The following THADA variants were observed in gnomAD, a reference collection of about 807,000 sequenced individuals.
THADA encodes tRNA (32-2'-O)-methyltransferase regulator THADA.
A neutral mutation model predicts 219.8 loss-of-function variants in THADA; 213 were observed. The ratio of observed to expected loss-of-function variants is 0.97; its 90% confidence interval spans 0.87 to 1.09. The LOEUF (loss-of-function observed/expected upper bound fraction) is 1.09, where lower values mean the gene tolerates loss of function less well. THADA is among the 50% of genes least tolerant of loss of function. The pLI, the probability that THADA is intolerant of heterozygous loss-of-function variation, is 0.00. For missense variants in THADA, 2,956 were observed against 2,311.3 expected (o/e 1.28, Z -5.72); for synonymous variants, 1,018 against 828.9 (o/e 1.23, Z -3.92).
Position 43,275,598 on chromosome 2 carries a change from CT to C in THADA, c.5296+4166del, listed in dbSNP as rs377393773. 1.7e-3 allele frequency among the ~76,000 whole-genome samples: 253 copies of C among 152,278 alleles called. 1 individual carries two copies. The highest frequency in any genetic ancestry group is 0.01 in the Middle Eastern group (3 of 294). On this transcript the variant is annotated intron_variant, in intron 36 of 37. Coordinates refer to ENST00000405975, the MANE Select transcript of THADA (RefSeq NM_022065.5). ...CATCCTGGAGTCCTTCGGTCTAACT[CT>C]CTGCAGTATTTCCAGCTAAGCCACA...
chr2:43,545,233 C>T (rs1203488578), intron 20 of THADA, among the ~76,000 whole-genome samples: 2 of 151,384 alleles, frequency 1.3e-5, no homozygotes, highest in Non-Finnish European at 2.9e-5. Flanking sequence ...CCCACTTGAT[C>T]ATGGTGGATA....
chr2:43,395,690 A>G (rs578007512), intron 29 of THADA, among the ~76,000 whole-genome samples: 1 of 152,376 alleles, frequency 6.6e-6, no homozygotes, highest in South Asian at 2.1e-4. Context: ...TGATGATATC[A>G]TTATATTGAT....
chr2:43,521,079 G>T (rs1692394581), intron 22 of THADA, among the ~76,000 whole-genome samples: 1 of 134,204 alleles, frequency 7.5e-6, no homozygotes, highest in Non-Finnish European at 1.6e-5. Context: ...GATAGGAAGG[G>T]AAGGAAGGGA....
chr2:43,517,207 C>G (rs1216200464), intron 22 of THADA, among the ~76,000 whole-genome samples: 1 of 152,168 alleles, frequency 6.6e-6, no homozygotes, highest in Non-Finnish European at 1.5e-5. Context: ...GGTACCCCCA[C>G]TCCCTTAGGG....
At chr2:43,271,221 C>G (rs1047831110) in intron 36 of THADA, among the ~76,000 whole-genome samples, 6 of 152,216 alleles carry the variant, frequency 3.9e-5, no homozygotes. Context: ...CCTGCATGAT[C>G]CAGTATGGAG....
chr2:43,483,848 G>C (rs1027715857), intron 26 of THADA, among the ~76,000 whole-genome samples: 2 of 151,576 alleles, frequency 1.3e-5, no homozygotes, highest in Non-Finnish European at 2.9e-5. Flanking sequence ...AATTTTACTT[G>C]TTTGATGACT....
At chr2:43,475,309 G>A (rs563499436) in intron 26 of THADA, among the ~76,000 whole-genome samples, 258 of 151,910 alleles carry the variant, frequency 1.7e-3, no homozygotes, top group African/African-American at 6.1e-3. Context: ...CCAGCTACTT[G>A]GGAGGTTGAG....
chr2:43,331,359 T>G (rs1165933344), intron 30 of THADA, among the ~76,000 whole-genome samples: 1 of 152,220 alleles, frequency 6.6e-6, no homozygotes, highest in Admixed American at 6.5e-5. Context: ...ATAGAGAGAT[T>G]TCTGTTAATC....
intron 23 of THADA, 114 bp downstream of exon 23, chr2:43,508,534 A>G (rs1013352309): frequency 6.7e-5 from 71 of 1,059,874 alleles, no homozygotes; most frequent in Non-Finnish European, 6.5e-5. Flanking sequence ...TGGTGCTGAA[A>G]AGACAGAAAT....
At chr2:43,469,414 C>G (rs13029044) in intron 26 of THADA, among the ~76,000 whole-genome samples, 3 of 151,846 alleles carry the variant, frequency 2.0e-5, no homozygotes, top group Non-Finnish European at 4.4e-5. Context: ...AATTAACCAA[C>G]AAATAATGTG....
At chr2:43,246,330 A>G (rs888344270) in intron 36 of THADA, among the ~76,000 whole-genome samples, 1 of 152,192 alleles carries the variant, frequency 6.6e-6, no homozygotes, top group Non-Finnish European at 1.5e-5. Context: ...CCCTGTCTCT[A>G]CTAAAAATAT....
intron 20 of THADA, among the ~76,000 whole-genome samples, chr2:43,547,968 GCT>G (rs555455950): frequency 6.6e-6 from 1 of 152,146 alleles, no homozygotes; most frequent in African/African-American, 2.4e-5. Context: ...CAGTTTTTCT[GCT>G]CTGTTTTTTC....
At chr2:43,485,511 T>C (rs188213770) in intron 25 of THADA, among the ~76,000 whole-genome samples, 186 bp from the exon 26 acceptor site, 40 of 152,308 alleles carry the variant, frequency 2.6e-4, no homozygotes, top group African/African-American at 9.4e-4. Context: ...ATGACTTCAA[T>C]TGAGCTCTAC....
rs763612160 is a variant in THADA, at chr2:43,259,864, T to C, written c.5296+19901A>G. Among the ~76,000 whole-genome samples the C allele has an allele frequency of 9.6e-4, 146 of 152,356 alleles. 1 individual carries two copies. The highest frequency in any genetic ancestry group is 1.7e-3 in the Non-Finnish European group (115 of 68,024). On this transcript the variant is annotated intron_variant, in intron 36 of 37. Transcript: ENST00000405975. ...TACTAAAAGGGAATTGCTGGCTCAA[T>C]TGGCATACACATTTAAATTTCTATA...
At chr2:43,512,571 T>C (rs542202736) in intron 22 of THADA, among the ~76,000 whole-genome samples, 1 of 152,354 alleles carries the variant, frequency 6.6e-6, no homozygotes, top group East Asian at 1.9e-4. Context: ...GGCGCGATCT[T>C]GCCTCACTGC....
At chr2:43,295,963 A>T (rs751247632) in intron 31 of THADA, among the ~76,000 whole-genome samples, 2 of 134,198 alleles carry the variant, frequency 1.5e-5, no homozygotes, top group African/African-American at 2.8e-5. Context: ...TCTGTCGCCC[A>T]GGCAGGAGTG....
chr2:43,310,222 T>TCC (rs371025361), intron 31 of THADA, among the ~76,000 whole-genome samples: 32 of 64,562 alleles, frequency 5.0e-4, no homozygotes, highest in Non-Finnish European at 7.9e-4. Context: ...TCCCTCCCTT[T>TCC]CCCGCCCCCC....
In THADA at chr2:43,578,493, TAA is replaced by T; in HGVS notation, c.816+18_816+19del. The T allele has an allele frequency of 6.3e-7, 1 of 1,576,374 alleles. No homozygotes were observed. Among genetic ancestry groups the T allele is most frequent in the Non-Finnish European group, 8.7e-7 (1 of 1,149,102 alleles). On this transcript the variant is annotated intron_variant, in intron 9 of 37. Transcript: ENST00000405975. The stretch of plus-strand genomic sequence containing the variant: ...CCTAACTCTCAATAAAGTACAATTC[TAA>T]AAAGGAGATGCACTTACCAAATGAG...
chr2:43,398,214 A>T (rs1337812087), intron 28 of THADA, 75 bp from the exon 29 acceptor site: 2 of 1,488,956 alleles, frequency 1.3e-6, no homozygotes. Context: ...CTTACATTCT[A>T]TCTAGCATGG....
Sources: gnomAD v4.1 joint callset for allele counts (sites outside exome capture counted in the v4.1 genomes callset) on GRCh38, gnomAD v4.1.1 for gene constraint, MANE v1.5 for transcripts, NCBI Gene and HGNC (gene_info 2026-07-23, HGNC 2026-07-21) for gene names.